ADGRF5: variants seen among roughly 807,000 people sequenced by gnomAD.
ADGRF5 encodes the protein adhesion G protein-coupled receptor F5.
ADGRF5 carries 75 observed loss-of-function variants against 132.3 expected under a neutral mutation model. The ratio of observed to expected loss-of-function variants is 0.57; its 90% CI spans 0.47 to 0.69. ADGRF5 has a LOEUF of 0.69. Among genes scored for constraint, ADGRF5 ranks in the 30% least tolerant of loss-of-function variants. ADGRF5 has a pLI of 0.00. For missense variants in ADGRF5, 1,516 were observed against 1,630.6 expected (o/e 0.93, Z 1.21); for synonymous variants, 629 against 597.6 (o/e 1.05, Z -0.77).
rs529621705 is a variant in ADGRF5, at chr6:46,853,022, G to A, written c.*970C>T. On this transcript the variant is annotated 3_prime_UTR_variant, in exon 21 of 21. Transcript: ENST00000283296. ...ATATATGACAGGGTCTGTCTTCAGT[G>A]CAACATATCAAATTTGGCAATTGAA... 5.9e-5 allele frequency: 9 copies of A among 152,658 alleles called. No homozygotes were observed. The South Asian group carries it at 1.9e-3, about 32-fold the overall frequency. 9.5% of individuals were successfully genotyped at this position (152,658 alleles called of 1,614,324 possible).
intron 4 of ADGRF5, among the ~76,000 whole-genome samples, chr6:46,885,942 A>T (rs1190711855): frequency 3.9e-5 from 6 of 152,230 alleles, no homozygotes; most frequent in African/African-American, 1.2e-4. Context: ...TTATTTTATG[A>T]TGCTAGGTTT....
intron 2 of ADGRF5, among the ~76,000 whole-genome samples, chr6:46,902,903 C>T (rs371914731): frequency 2.5e-4 from 38 of 152,204 alleles, no homozygotes; most frequent in Admixed American, 2.4e-3. Flanking sequence ...TGCCAAGTCA[C>T]CGGACCTGAT....
chr6:46,920,734 G>A (rs930038736), intron 1 of ADGRF5, among the ~76,000 whole-genome samples: 3 of 151,998 alleles, frequency 2.0e-5, no homozygotes, highest in African/African-American at 7.3e-5. Context: ...GTGGTGGCGG[G>A]TGCCTGTAAT....
intron 1 of ADGRF5, among the ~76,000 whole-genome samples, chr6:46,941,413 AAAGAAAAG>A (rs1323949402): frequency 4.8e-5 from 2 of 41,388 alleles, no homozygotes; most frequent in Admixed American, 6.3e-4. Flanking sequence ...AAAGAAAAGA[AAAGAAAAG>A]AAAAGAAAAG....
upstream of ADGRF5, among the ~76,000 whole-genome samples, chr6:46,925,402 G>A (rs1777196927): frequency 6.6e-6 from 1 of 151,980 alleles, no homozygotes; most frequent in South Asian, 2.1e-4. Context: ...ATCATCTCTG[G>A]TACACTATAA....
intron 1 of ADGRF5, among the ~76,000 whole-genome samples, chr6:46,953,493 G>T (rs561400227): frequency 1.3e-5 from 2 of 151,330 alleles, no homozygotes; most frequent in African/African-American, 4.9e-5. Context: ...GTGGTGGTGC[G>T]TGCCTGTAGT....
intron 1 of ADGRF5, among the ~76,000 whole-genome samples, chr6:46,949,735 G>GT (rs1778427928): frequency 6.6e-6 from 1 of 152,178 alleles, no homozygotes; most frequent in African/African-American, 2.4e-5. Flanking sequence ...GAGTCTTGCT[G>GT]TTATTTGCCT....
intron 1 of ADGRF5, among the ~76,000 whole-genome samples, chr6:46,930,987 A>T (rs1432642846): frequency 6.6e-6 from 1 of 152,084 alleles, no homozygotes; most frequent in African/African-American, 2.4e-5. Flanking sequence ...CTGGGAAGTC[A>T]AGGCTGCAGT....
intron 1 of ADGRF5, among the ~76,000 whole-genome samples, chr6:46,944,725 A>G (rs1055808479): frequency 5.3e-5 from 8 of 152,210 alleles, no homozygotes; most frequent in Non-Finnish European, 7.3e-5. Context: ...CCCAAAATAG[A>G]GATTTTTAAA....
At chr6:46,862,521 TC>T (rs1159484878) in intron 15 of ADGRF5, among the ~76,000 whole-genome samples, 1 of 152,046 alleles carries the variant, frequency 6.6e-6, no homozygotes, top group Admixed American at 6.5e-5. Context: ...TGCTCCTTTT[TC>T]TGAAAGGATT....
chr6:46,925,085 C>G (rs1327930035), upstream of ADGRF5, among the ~76,000 whole-genome samples: 1 of 152,206 alleles, frequency 6.6e-6, no homozygotes, highest in Non-Finnish European at 1.5e-5. Context: ...CTCCCGTAGT[C>G]AGAGCACAGG....
rs765790921 is a variant in ADGRF5 at position 46,865,094 on chromosome 6, A to G, written c.1938T>C (p.Asn646=). ...KTVDVCCHFT[N]AANNSVWSPS... is the part of the protein sequence containing the mutation. Reference sequence around the variant, plus strand: ...GGCTCCAGACTGAATTATTAGCAGCATTGGTAAAGTGACAACACACATCAA... The same window carrying G: ...GGCTCCAGACTGAATTATTAGCAGCGTTGGTAAAGTGACAACACACATCAA... The change falls in exon 14 of 21, where the codon AAT becomes AAC. Residue 646 remains asparagine, a synonymous_variant. Coordinates refer to ENST00000283296, the MANE Select transcript of ADGRF5 (RefSeq NM_001098518.2). 1.9e-6 allele frequency: 3 copies of G among 1,610,866 alleles called. No individual in the cohort carries two copies. The highest frequency in any genetic ancestry group is 2.5e-6 in the Non-Finnish European group (3 of 1,177,054).
chr6:46,926,580 C>T (rs1777259221), upstream of ADGRF5, among the ~76,000 whole-genome samples: 1 of 152,128 alleles, frequency 6.6e-6, no homozygotes, highest in East Asian at 1.9e-4. Flanking sequence ...GCGCTGACCA[C>T]CAATGGCCTG....
chr6:46,864,664 G>A (rs1211281118), intron 14 of ADGRF5, among the ~76,000 whole-genome samples: 2 of 151,828 alleles, frequency 1.3e-5, no homozygotes, highest in Admixed American at 1.3e-4. Flanking sequence ...AGCTGGGACC[G>A]CAGGTGCATG....
upstream of ADGRF5, among the ~76,000 whole-genome samples, chr6:46,926,295 C>T (rs1381994259): frequency 6.6e-6 from 1 of 152,156 alleles, no homozygotes; most frequent in East Asian, 1.9e-4. Context: ...GATTGCAAAG[C>T]TTCCATTTTT....
intron 3 of ADGRF5, among the ~76,000 whole-genome samples, chr6:46,892,408 A>C (rs1254365429): frequency 6.6e-6 from 1 of 152,212 alleles, no homozygotes; most frequent in Non-Finnish European, 1.5e-5. Context: ...AAATCAAAGA[A>C]TTATGTAAGC....
intron 1 of ADGRF5, among the ~76,000 whole-genome samples, chr6:46,915,336 C>G (rs1776337627): frequency 6.8e-6 from 1 of 148,006 alleles, no homozygotes; most frequent in African/African-American, 2.6e-5. Flanking sequence ...AGAACAATCT[C>G]TGTCCACTGT....
chr6:46,896,215 C>G (rs1164812188), intron 3 of ADGRF5, among the ~76,000 whole-genome samples: 2 of 152,140 alleles, frequency 1.3e-5, no homozygotes, highest in African/African-American at 4.8e-5. Context: ...GGCAGCCGCT[C>G]AGCTGATCCA....
intron 19 of ADGRF5, 21 bp from the exon 20 acceptor site, chr6:46,856,079 G>A (rs760356022): frequency 4.3e-6 from 6 of 1,410,056 alleles, no homozygotes; most frequent in Non-Finnish European, 6.0e-6. Flanking sequence ...GAAAAAAAGG[G>A]ACAATCACAA....
Sources: allele counts gnomAD v4.1 joint callset (sites outside exome capture counted in the v4.1 genomes callset), GRCh38; gene constraint gnomAD v4.1.1; transcripts MANE v1.5; gene names NCBI Gene and HGNC (gene_info 2026-07-23, HGNC 2026-07-21).